The following HTR2A variants were observed in gnomAD, a reference collection of about 807,000 sequenced individuals.
HTR2A encodes 5-hydroxytryptamine receptor 2A, also known as 5-HT2 receptor.
HTR2A carries 14 observed loss-of-function variants against 31.0 expected under a neutral mutation model. The ratio of observed to expected loss-of-function variants is 0.45; its 90% confidence interval spans 0.30 to 0.71. HTR2A has a LOEUF of 0.71. Among genes scored for constraint, HTR2A ranks in the 30% least tolerant of loss-of-function variants. The pLI, the probability that HTR2A is intolerant of heterozygous loss-of-function variation, is 0.09. For synonymous variants in HTR2A, 209 were observed against 225.2 expected, an observed-to-expected ratio of 0.93 and a Z score of 0.64; for missense variants, 442 against 573.3, an observed-to-expected ratio of 0.77 and a Z score of 2.34.
At chr13:46,894,575 C>G (rs936707493) in intron 2 of HTR2A, among the ~76,000 whole-genome samples, 1 of 152,236 alleles carries the variant, frequency 6.6e-6, no homozygotes, top group Non-Finnish European at 1.5e-5. Context: ...ATCTTAGCCC[C>G]TAAGACTTGA....
chr13:46,875,430 G>T (rs73475748), intron 3 of HTR2A, among the ~76,000 whole-genome samples: 12,536 of 152,160 alleles, frequency 0.082, 764 homozygotes, highest in African/African-American at 0.17. Flanking sequence ...AAAAGGTTTT[G>T]TTCATCTTTA....
chr13:46,876,706 G>A (rs1377201282), intron 3 of HTR2A, among the ~76,000 whole-genome samples: 9 of 151,856 alleles, frequency 5.9e-5, no homozygotes, highest in Non-Finnish European at 1.3e-4. Context: ...GTGAGCCACC[G>A]TGCCTGTCCT....
chr13:46,859,997 G>A (rs1406811576), intron 3 of HTR2A, among the ~76,000 whole-genome samples: 3 of 152,194 alleles, frequency 2.0e-5, no homozygotes, highest in Middle Eastern at 3.4e-3. Context: ...TGGCCATGTC[G>A]GTTGTTAAAA....
rs528342247 is a variant in HTR2A at position 46,842,213 on chromosome 13, C to T, written c.614-6574G>A. Among the ~76,000 whole-genome samples the T allele has an allele frequency of 3.3e-4, 50 of 152,200 alleles. No homozygotes were observed. The South Asian group carries it at 9.3e-3, about 28-fold the overall frequency. On this transcript the variant is annotated intron_variant, in intron 3 of 3. Transcript: ENST00000542664. ...ATGAGTGGATATTACACTATCTACC[C>T]CTAGCAGGTGCTCTTTTCTAGGCTG...
intron 3 of HTR2A, among the ~76,000 whole-genome samples, chr13:46,879,500 A>G (rs61948335): frequency 0.14 from 20,566 of 152,200 alleles, 1,656 homozygotes; most frequent in East Asian, 0.19. Context: ...GGAAATTAAC[A>G]TAAGTTGGAG....
In HTR2A at chr13:46,833,919, C is replaced by T. The variant is rs1255494776; in HGVS notation, c.*918G>A. Reference sequence around the variant, plus strand: ...TCAGTAGCCGGAAACCTGAGTTCATCCTCAATCCTGACACAGTTACATCAA... The same window carrying T: ...TCAGTAGCCGGAAACCTGAGTTCATTCTCAATCCTGACACAGTTACATCAA... On this transcript the variant is annotated 3_prime_UTR_variant, in exon 4 of 4. Transcript: ENST00000542664. 1 of 152,172 alleles carries T rather than the reference C, an allele frequency of 6.6e-6. No homozygotes were observed. Among genetic ancestry groups the T allele is most frequent in the African/African-American group, 2.4e-5 (1 of 41,444 alleles). The allele number at this position is 152,172 out of a possible 1,614,324, so 9.4% of individuals were successfully genotyped here.
Position 46,853,175 on chromosome 13 carries a change from G to A in HTR2A, c.614-17536C>T, listed in dbSNP as rs187271166. Among the ~76,000 whole-genome samples, 31 of 152,090 alleles carry A rather than the reference G, an allele frequency of 2.0e-4. No individual in the cohort carries two copies. The East Asian group carries it at 5.0e-3, about 25-fold the overall frequency. On this transcript the variant is annotated intron_variant, in intron 3 of 3. Coordinates refer to ENST00000542664, the MANE Select transcript of HTR2A (RefSeq NM_000621.5). ...GATATAAGATGCCGTGATTAATATCGTACACCAGGAGAAGGGGTTACAGCC... is the reference window on the plus strand; with the variant it reads ...GATATAAGATGCCGTGATTAATATCATACACCAGGAGAAGGGGTTACAGCC...
chr13:46,838,572 C>T (rs537518372), intron 3 of HTR2A, among the ~76,000 whole-genome samples: 2 of 152,038 alleles, frequency 1.3e-5, no homozygotes, highest in African/African-American at 4.8e-5. Context: ...CTTTTTAAAC[C>T]AAAAGAGACT....
At chr13:46,875,738 A>G (rs1438669576) in intron 3 of HTR2A, among the ~76,000 whole-genome samples, 1 of 152,202 alleles carries the variant, frequency 6.6e-6, no homozygotes, top group Non-Finnish European at 1.5e-5. Context: ...GACTCTTCAG[A>G]AGAAAGGTTT....
intron 3 of HTR2A, among the ~76,000 whole-genome samples, chr13:46,873,028 G>A (rs1225287394): frequency 6.6e-6 from 1 of 152,144 alleles, no homozygotes; most frequent in Non-Finnish European, 1.5e-5. Context: ...GTGAGCCACC[G>A]CACCCGGCCA....
In HTR2A at chr13:46,835,332, T is replaced by C. The variant is rs561538664; in HGVS notation, c.921A>G (p.Thr307=). ...RSIHREPGSY[T]GRRTMQSISN... is the part of the protein sequence containing the mutation. ...TGATGGACTGCATAGTCCTCCTGCC[T>C]GTGTAGGACCCTGGCTCCCTATGGA... Residue 307 remains threonine (T), a synonymous_variant, in exon 4 of 4, where the codon ACA becomes ACG. Transcript: ENST00000542664. The C allele has an allele frequency of 2.8e-5, 45 of 1,614,100 alleles. No individual in the cohort carries two copies. In the African/African-American group the frequency reaches 5.5e-4, roughly 20 times the overall value.
chr13:46,859,316 A>G (rs1270502214), intron 3 of HTR2A, among the ~76,000 whole-genome samples: 3 of 152,252 alleles, frequency 2.0e-5, no homozygotes, highest in East Asian at 3.9e-4. Context: ...ACCTTCTCCA[A>G]ACAGGTCCTG....
chr13:46,855,694 TA>T (rs1431070385), intron 3 of HTR2A, among the ~76,000 whole-genome samples: 1 of 152,196 alleles, frequency 6.6e-6, no homozygotes, highest in African/African-American at 2.4e-5. Context: ...ACAAAAATTT[TA>T]GGACCGAGAA....
At chr13:46,876,503 G>A (rs192954532) in intron 3 of HTR2A, among the ~76,000 whole-genome samples, 5,965 of 144,184 alleles carry the variant, frequency 0.041, 155 homozygotes, top group South Asian at 0.097. Flanking sequence ...TCCGCCTCCC[G>A]GGTTCACGCC....
intron 3 of HTR2A, among the ~76,000 whole-genome samples, chr13:46,871,917 C>A (rs750171145): frequency 3.9e-5 from 6 of 152,194 alleles, no homozygotes; most frequent in Admixed American, 3.3e-4. Flanking sequence ...CTAGACATAT[C>A]CTGCATAAGA....
At chr13:46,873,573 T>C (rs1950881992) in intron 3 of HTR2A, among the ~76,000 whole-genome samples, 1 of 151,772 alleles carries the variant, frequency 6.6e-6, no homozygotes, top group African/African-American at 2.4e-5. Flanking sequence ...ATTAGGTGTA[T>C]CTCCTAATGC....
At chr13:46,853,377 T>G (rs632903) in intron 3 of HTR2A, among the ~76,000 whole-genome samples, 42,408 of 151,918 alleles carry the variant, frequency 0.28, 6,709 homozygotes, top group East Asian at 0.53. Flanking sequence ...ACCCTTGGGC[T>G]GGGAGGAGAA....
chr13:46,864,034 T>TAG (rs1950801876), intron 3 of HTR2A, among the ~76,000 whole-genome samples: 1 of 152,188 alleles, frequency 6.6e-6, no homozygotes, highest in African/African-American at 2.4e-5. Flanking sequence ...CCATCACTGA[T>TAG]AGACTGGATA....
At chr13:46,868,372 G>T (rs1363896174) in intron 3 of HTR2A, among the ~76,000 whole-genome samples, 1 of 152,212 alleles carries the variant, frequency 6.6e-6, no homozygotes, top group Non-Finnish European at 1.5e-5. Context: ...GCACAAGGTT[G>T]TTGAGGATAA....
Sources: gnomAD v4.1 joint callset for allele counts (sites outside exome capture counted in the v4.1 genomes callset) on GRCh38, gnomAD v4.1.1 for gene constraint, MANE v1.5 for transcripts, NCBI Gene and HGNC (gene_info 2026-07-23, HGNC 2026-07-21) for gene names.